GALNT13: variants seen among roughly 807,000 people sequenced by gnomAD.
GALNT13 encodes the protein UDP-GalNAc:polypeptide N-acetylgalactosaminyltransferase 13.
A neutral mutation model predicts 64.2 loss-of-function variants in GALNT13; 28 were observed. The ratio of observed to expected loss-of-function variants is 0.44; its 90% confidence interval spans 0.32 to 0.60. The LOEUF (loss-of-function observed/expected upper bound fraction) is 0.60, where lower values mean the gene tolerates loss of function less well. Among genes scored for constraint, GALNT13 ranks in the 20% least tolerant of loss-of-function variants. The pLI is 0.05. For synonymous variants in GALNT13, 214 were observed against 224.6 expected (o/e 0.95, Z 0.42); for missense variants, 577 against 669.8 (o/e 0.86, Z 1.53).
chr2:154,219,881 C>G (rs1286791251), intron 4 of GALNT13, among the ~76,000 whole-genome samples: 6 of 152,014 alleles, frequency 3.9e-5, no homozygotes, highest in Non-Finnish European at 8.8e-5. Flanking sequence ...CATATATGAC[C>G]TCAGATGCCT....
the GALNT13 span, among the ~76,000 whole-genome samples, chr2:153,842,629 C>T: frequency 6.6e-6 from 1 of 151,820 alleles, no homozygotes; most frequent in African/African-American, 2.4e-5. Flanking sequence ...TATCCAGAAC[C>T]TCAGTTTATC....
chr2:153,127,469 T>C, the GALNT13 span, among the ~76,000 whole-genome samples: 1 of 152,190 alleles, frequency 6.6e-6, no homozygotes, highest in Non-Finnish European at 1.5e-5. Flanking sequence ...ATTCTTCCCC[T>C]CCGCACTTCT....
chr2:154,267,657 C>CAAAA (rs1243534198), intron 8 of GALNT13, among the ~76,000 whole-genome samples: 1 of 151,508 alleles, frequency 6.6e-6, no homozygotes, highest in East Asian at 1.9e-4. Context: ...AACAAACAAA[C>CAAAA]AAAAAAACTT....
chr2:153,200,320 G>A, the GALNT13 span, among the ~76,000 whole-genome samples: 1 of 152,242 alleles, frequency 6.6e-6, no homozygotes, highest in Admixed American at 6.5e-5. Context: ...GCTGGTTAAG[G>A]TAGGGCTAGA....
the GALNT13 span, among the ~76,000 whole-genome samples, chr2:153,602,107 A>C: frequency 2.0e-5 from 3 of 151,956 alleles, no homozygotes; most frequent in East Asian, 3.9e-4. Flanking sequence ...TTTAAAGATC[A>C]ACAAGCCTCT....
intron 9 of GALNT13, among the ~76,000 whole-genome samples, chr2:154,381,712 C>T (rs1453505403): frequency 6.6e-6 from 1 of 152,048 alleles, no homozygotes; most frequent in African/African-American, 2.4e-5. Flanking sequence ...ATCATATTTC[C>T]AAGCCTCAGG....
the GALNT13 span, among the ~76,000 whole-genome samples, chr2:153,133,394 G>T: frequency 1.3e-5 from 2 of 152,132 alleles, no homozygotes; most frequent in Non-Finnish European, 2.9e-5. Flanking sequence ...GGGGGTAGGA[G>T]CCTGACCTCT....
chr2:154,267,766 GA>G (rs908296345), intron 8 of GALNT13, among the ~76,000 whole-genome samples: 12 of 150,898 alleles, frequency 8.0e-5, no homozygotes, highest in Admixed American at 2.6e-4. Flanking sequence ...TTTGTATCTA[GA>G]AAAAAAAACT....
chr2:154,157,055 A>G (rs1684465844), intron 4 of GALNT13, among the ~76,000 whole-genome samples: 1 of 152,008 alleles, frequency 6.6e-6, no homozygotes, highest in Non-Finnish European at 1.5e-5. Context: ...TCCCTTGTCT[A>G]TCCTGTTTTC....
chr2:154,442,749 G>T (rs1011098844), intron 12 of GALNT13, among the ~76,000 whole-genome samples: 7 of 151,674 alleles, frequency 4.6e-5, no homozygotes, highest in East Asian at 1.9e-4. Flanking sequence ...ATTTCTTTTT[G>T]AATAACTAGG....
chr2:153,147,957 G>A, the GALNT13 span, among the ~76,000 whole-genome samples: 1 of 151,820 alleles, frequency 6.6e-6, no homozygotes, highest in East Asian at 1.9e-4. Flanking sequence ...ACATGCTTGA[G>A]TCGGAATTGT....
the GALNT13 span, among the ~76,000 whole-genome samples, chr2:153,696,026 G>C: frequency 2.0e-5 from 3 of 152,206 alleles, no homozygotes; most frequent in Admixed American, 2.0e-4. Context: ...ATATAAAGGG[G>C]AGTTTATTAA....
chr2:153,680,691 G>A, the GALNT13 span, among the ~76,000 whole-genome samples: 1 of 151,812 alleles, frequency 6.6e-6, no homozygotes, highest in Non-Finnish European at 1.5e-5. Context: ...ATTCTCAATT[G>A]ACTGTGGGTG....
the GALNT13 span, among the ~76,000 whole-genome samples, chr2:153,228,032 T>C: frequency 6.6e-6 from 1 of 152,246 alleles, no homozygotes; most frequent in African/African-American, 2.4e-5. Flanking sequence ...TGGATTGGTA[T>C]AGTACTAACA....
chr2:153,073,446 G>A, the GALNT13 span, among the ~76,000 whole-genome samples: 30,315 of 151,916 alleles, frequency 0.2, 3,383 homozygotes, highest in Non-Finnish European at 0.26. Flanking sequence ...GGTGAACAGT[G>A]TAGATTTTTT....
At chr2:154,294,918 G>A (rs1692829861) in intron 8 of GALNT13, among the ~76,000 whole-genome samples, 1 of 152,172 alleles carries the variant, frequency 6.6e-6, no homozygotes, top group South Asian at 2.1e-4. Flanking sequence ...ATACTTCAGG[G>A]TAGAAAGGTG....
chr2:154,109,878 T>C (rs1702836103), intron 3 of GALNT13, among the ~76,000 whole-genome samples: 1 of 152,142 alleles, frequency 6.6e-6, no homozygotes, highest in Non-Finnish European at 1.5e-5. Flanking sequence ...TTTGTTTTGA[T>C]GATTATTTTT....
intron 3 of GALNT13, among the ~76,000 whole-genome samples, chr2:154,011,642 G>C (rs1371586269): frequency 6.6e-6 from 1 of 151,984 alleles, no homozygotes; most frequent in East Asian, 1.9e-4. Context: ...TTTCTCCCTT[G>C]ATGATCTAAT....
At chr2:153,725,812 G>T in the GALNT13 span, among the ~76,000 whole-genome samples, 8 of 114,310 alleles carry the variant, frequency 7.0e-5, no homozygotes, top group African/African-American at 4.3e-4. Context: ...GAAGTGTTTT[G>T]TGCTGAATGT....
Sources: allele counts gnomAD v4.1 joint callset (sites outside exome capture counted in the v4.1 genomes callset), GRCh38; gene constraint gnomAD v4.1.1; transcripts MANE v1.5; gene names NCBI Gene and HGNC (gene_info 2026-07-23, HGNC 2026-07-21).